The following RAB3GAP2 variants were observed in gnomAD, a reference collection of about 807,000 sequenced individuals.
RAB3GAP2 encodes the protein rab3 GTPase-activating protein non-catalytic subunit.
Under a neutral mutation model 185.3 loss-of-function variants are expected in RAB3GAP2, and 87 were observed. That is an observed-to-expected ratio of 0.47 (90% CI 0.39 to 0.56). The LOEUF (loss-of-function observed/expected upper bound fraction) is 0.56, where lower values mean the gene tolerates loss of function less well. Among genes scored for constraint, RAB3GAP2 ranks in the 20% least tolerant of loss-of-function variants. RAB3GAP2 has a pLI of 0.00. For missense variants in RAB3GAP2, 1,492 were observed against 1,638.2 expected (o/e 0.91, Z 1.54); for synonymous variants, 554 against 576.1 (o/e 0.96, Z 0.55).
intron 3 of RAB3GAP2, 116 bp downstream of exon 3, chr1:220,213,740 G>GA (rs1183018960): frequency 3.1e-4 from 310 of 1,002,200 alleles, no homozygotes; most frequent in Middle Eastern, 6.3e-4. Flanking sequence ...GTTGGGGGGG[G>GA]GGGGAGAGAG....
intron 1 of RAB3GAP2, among the ~76,000 whole-genome samples, chr1:220,271,798 G>C (rs908662891): frequency 2.0e-5 from 3 of 151,950 alleles, no homozygotes; most frequent in African/African-American, 7.3e-5. Flanking sequence ...TACCAGAGTG[G>C]AGCGCTGACA....
Position 220,176,125 on chromosome 1 carries a change from T to C in RAB3GAP2, c.2311-3383A>G, listed in dbSNP as rs535843440. 1.1e-4 allele frequency among the ~76,000 whole-genome samples: 16 copies of C among 152,284 alleles called. No individual in the cohort carries two copies. The East Asian group carries it at 3.1e-3, about 29-fold the overall frequency. ...GGACACATATAACAGGAGAAGAGTCTAGTGTATAAAGGTAACTACCTCCAT... is the reference window on the plus strand; with the variant it reads ...GGACACATATAACAGGAGAAGAGTCCAGTGTATAAAGGTAACTACCTCCAT... On this transcript the variant is annotated intron_variant, in intron 21 of 34. Coordinates refer to ENST00000358951, the MANE Select transcript of RAB3GAP2 (RefSeq NM_012414.4).
At chr1:220,204,434 A>G (rs1292786768) in intron 8 of RAB3GAP2, among the ~76,000 whole-genome samples, 2 of 152,204 alleles carry the variant, frequency 1.3e-5, no homozygotes, top group Admixed American at 1.3e-4. Flanking sequence ...GAAGTCCATT[A>G]ATTTAATAAA....
intron 2 of RAB3GAP2, among the ~76,000 whole-genome samples, chr1:220,231,071 C>G (rs764994007): frequency 1.4e-4 from 21 of 152,196 alleles, no homozygotes; most frequent in Non-Finnish European, 2.9e-4. Flanking sequence ...ATAGAGCAGC[C>G]AAGGTGAGCT....
intron 12 of RAB3GAP2, among the ~76,000 whole-genome samples, chr1:220,193,613 A>G (rs1330046699): frequency 6.6e-6 from 1 of 152,232 alleles, no homozygotes; most frequent in Admixed American, 6.5e-5. Flanking sequence ...CCACAACCCT[A>G]TACCTTTAGA....
rs750432100 is a variant in RAB3GAP2 at position 220,182,838 on chromosome 1, C to T, written c.2092G>A (p.Val698Ile). 24 of 1,613,414 alleles carry T rather than the reference C, an allele frequency of 1.5e-5. 1 individual carries two copies. The South Asian group carries it at 2.5e-4, about 17-fold the overall frequency. The change falls in exon 20 of 35, where the codon GTT (valine) becomes ATT (isoleucine). Residue 698 changes from valine to isoleucine, a missense_variant. By Grantham distance (29) the Val-to-Ile change is conservative. This residue lies in a region of RAB3GAP2 where 681 missense variants were observed against 689.1 expected (regional missense o/e 0.99). Coordinates refer to ENST00000358951, the MANE Select transcript of RAB3GAP2 (RefSeq NM_012414.4). The stretch of plus-strand genomic sequence containing the variant: ...CCATCTTTATCATCAGAAAATCGAA[C>T]ATTTGTCCTGGTGTTCTCTTGCTTA... ...KYKQENTRTN[V>I]RFSDDKDGVL...
intron 2 of RAB3GAP2, among the ~76,000 whole-genome samples, chr1:220,218,641 TGAC>T (rs761986894): frequency 6.6e-6 from 1 of 151,964 alleles, no homozygotes; most frequent in Admixed American, 6.6e-5. Context: ...CTAATGTAAA[TGAC>T]GAGTTAATGG....
At chr1:220,174,181 A>T (rs983717628) in intron 21 of RAB3GAP2, among the ~76,000 whole-genome samples, 1 of 151,984 alleles carries the variant, frequency 6.6e-6, no homozygotes, top group African/African-American at 2.4e-5. Context: ...AAATGTTCAC[A>T]TGTGTATGAG....
chr1:220,267,172 G>T, intron 1 of RAB3GAP2: 1 of 1,074,268 alleles, frequency 9.3e-7, no homozygotes, highest in Non-Finnish European at 1.5e-6. Context: ...AACTGTTTTT[G>T]AATGACAGTA....
At chr1:220,226,756 G>C (rs1659410200) in intron 2 of RAB3GAP2, among the ~76,000 whole-genome samples, 1 of 152,110 alleles carries the variant, frequency 6.6e-6, no homozygotes, top group African/African-American at 2.4e-5. Context: ...GTACTGACTT[G>C]TGTCCCCTTG....
At chr1:220,210,207 A>G (rs1242416685) in intron 7 of RAB3GAP2, among the ~76,000 whole-genome samples, 181 bp downstream of exon 7, 1 of 152,198 alleles carries the variant, frequency 6.6e-6, no homozygotes, top group African/African-American at 2.4e-5. Context: ...TAAATAAGTA[A>G]AAGCAAGACT....
intron 2 of RAB3GAP2, among the ~76,000 whole-genome samples, chr1:220,219,250 A>G (rs759765850): frequency 2.6e-5 from 4 of 152,238 alleles, no homozygotes; most frequent in Non-Finnish European, 5.9e-5. Context: ...TCCTTCTTAC[A>G]CATGTCATAA....
chr1:220,229,862 A>C (rs1020655762), intron 2 of RAB3GAP2, among the ~76,000 whole-genome samples: 13 of 152,214 alleles, frequency 8.5e-5, no homozygotes, highest in Non-Finnish European at 1.5e-4. Flanking sequence ...GAAAACCTCA[A>C]ACTTACTTGG....
intron 9 of RAB3GAP2, among the ~76,000 whole-genome samples, chr1:220,197,052 T>C (rs569674233): frequency 6.0e-4 from 91 of 151,504 alleles, no homozygotes; most frequent in Non-Finnish European, 1.0e-3. Context: ...AATGGTGCAA[T>C]CTCAGCTCAC....
At chr1:220,210,310 T>C in intron 7 of RAB3GAP2, 78 bp downstream of exon 7, 1 of 1,039,258 alleles carries the variant, frequency 9.6e-7, no homozygotes, top group Non-Finnish European at 1.5e-6. Context: ...CTCTTTTAAG[T>C]TTCTACCTAA....
intron 19 of RAB3GAP2, 75 bp from the exon 20 acceptor site, chr1:220,183,006 G>T: frequency 7.8e-7 from 1 of 1,276,172 alleles, no homozygotes; most frequent in Non-Finnish European, 1.1e-6. Flanking sequence ...ATTCAAGGCT[G>T]TAAGCAAAAG....
chr1:220,267,703 G>A, intron 1 of RAB3GAP2: 1 of 1,563,064 alleles, frequency 6.4e-7, no homozygotes, highest in Non-Finnish European at 8.8e-7. Context: ...TTCTGATTCT[G>A]AACTGGCTTG....
intron 24 of RAB3GAP2, among the ~76,000 whole-genome samples, chr1:220,169,929 G>C (rs565090044): frequency 1.3e-5 from 2 of 152,056 alleles, no homozygotes; most frequent in Non-Finnish European, 2.9e-5. Flanking sequence ...GTATATACCC[G>C]AAGGATTATA....
In RAB3GAP2 at chr1:220,195,328, T is replaced by A. The variant is rs754483259; in HGVS notation, c.1010A>T (p.Lys337Ile). Reference protein sequence around the residue: ...LSHVALAVASKLTSALFNAAS... With the variant: ...LSHVALAVASILTSALFNAAS... ...AGCATTAAATAAAGCAGAAGTGAGT[T>A]TACTTGCAACTGCTAGTGCAACATG... The change falls in exon 11 of 35, where the codon AAA becomes ATA. Residue 337 changes from lysine (K) to isoleucine (I), a missense_variant. Physicochemically the swap from Lys to Ile is moderately radical, Grantham distance 102 (BLOSUM62 -3). This residue lies in a region of RAB3GAP2 where 243 missense variants were observed against 314.8 expected (regional missense o/e 0.77). Transcript: ENST00000358951. The A allele has an allele frequency of 6.2e-7, 1 of 1,613,030 alleles. No individual in the cohort carries two copies. Among genetic ancestry groups the A allele is most frequent in the South Asian group, 1.1e-5 (1 of 91,060 alleles).
Sources: allele counts gnomAD v4.1 joint callset (sites outside exome capture counted in the v4.1 genomes callset), GRCh38; gene constraint gnomAD v4.1.1; regional missense constraint gnomAD v4.1.1; transcripts MANE v1.5; gene names NCBI Gene and HGNC (gene_info 2026-07-23, HGNC 2026-07-21).